The following MCPH1 variants were observed in gnomAD, a reference collection of about 807,000 sequenced individuals.
The protein encoded by MCPH1 is microcephalin 1.
Under a neutral mutation model 84.5 loss-of-function variants are expected in MCPH1, and 104 were observed. The observed-to-expected ratio is 1.23, with a 90% confidence interval of 1.05 to 1.45. The LOEUF is 1.45. Among genes scored for constraint, MCPH1 ranks in the 40% most tolerant of loss-of-function variants. The pLI, the probability that MCPH1 is intolerant of heterozygous loss-of-function variation, is 0.00. For synonymous variants in MCPH1, 514 were observed against 366.8 expected (o/e 1.40, Z -4.58); for missense variants, 1,498 against 1,005.7 (o/e 1.49, Z -6.62).
chr8:6,645,502 GAA>G lies in MCPH1; in HGVS notation c.*2454_*2455del, dbSNP rs1250642397. 6.8e-6 allele frequency: 1 copy of G among 147,208 alleles called. No individual in the cohort carries two copies. The highest frequency in any genetic ancestry group is 1.5e-5 in the Non-Finnish European group (1 of 67,598). 9.1% of individuals were successfully genotyped at this position (147,208 alleles called of 1,614,324 possible). Reference sequence around the variant, plus strand: ...CGTTGCATTAAAGTTTCTACCCAGAGAAGGCAATAAAAGGAAATTAAAGCTAT... The same window carrying G: ...CGTTGCATTAAAGTTTCTACCCAGAGGGCAATAAAAGGAAATTAAAGCTAT... On this transcript the variant is annotated 3_prime_UTR_variant, in exon 14 of 14. Transcript: ENST00000344683.
At chr8:6,618,763 T>G (rs528387844) in intron 12 of MCPH1, 1 of 152,110 alleles carries the variant, frequency 6.6e-6, no homozygotes, top group African/African-American at 2.4e-5. Flanking sequence ...AACAAAAAAG[T>G]CACTTAAAGA....
At chr8:6,507,429 T>C (rs1813967026) in intron 12 of MCPH1, 1 of 152,232 alleles carries the variant, frequency 6.6e-6, no homozygotes, top group Non-Finnish European at 1.5e-5. Context: ...TTTTTGTTGC[T>C]ACTTTAAATC....
intron 13 of MCPH1, chr8:6,635,030 G>A (rs545999284): frequency 2.0e-5 from 3 of 152,278 alleles, no homozygotes; most frequent in East Asian, 1.9e-4. Flanking sequence ...GTGACCTCTG[G>A]CCTACGACTG....
intron 12 of MCPH1, among the ~76,000 whole-genome samples, chr8:6,565,165 C>T (rs965142414): frequency 1.3e-5 from 2 of 152,292 alleles, no homozygotes; most frequent in Non-Finnish European, 2.9e-5. Flanking sequence ...CCTCAGTCTC[C>T]CTAGTCATAA....
intron 12 of MCPH1, among the ~76,000 whole-genome samples, chr8:6,611,754 G>A (rs1027256184): frequency 6.6e-6 from 1 of 152,178 alleles, no homozygotes; most frequent in Non-Finnish European, 1.5e-5. Flanking sequence ...CAGTAGCTGG[G>A]ACTACAGGCG....
intron 12 of MCPH1, chr8:6,519,926 A>C: frequency 6.2e-7 from 1 of 1,613,314 alleles, no homozygotes; most frequent in South Asian, 1.1e-5. Flanking sequence ...GTGTGTCCTG[A>C]TTTGAATACT....
intron 12 of MCPH1, among the ~76,000 whole-genome samples, chr8:6,517,223 T>G (rs1344552342): frequency 6.6e-6 from 1 of 152,176 alleles, no homozygotes; most frequent in East Asian, 1.9e-4. Flanking sequence ...CTAAGGGCAG[T>G]TAATATCTTT....
At chr8:6,435,022 T>C (rs1802439884) in intron 4 of MCPH1, among the ~76,000 whole-genome samples, 1 of 152,124 alleles carries the variant, frequency 6.6e-6, no homozygotes, top group African/African-American at 2.4e-5. Context: ...AAAGGAAACA[T>C]TTCCCCTGTC....
chr8:6,545,613 G>T (rs977681903), intron 12 of MCPH1, among the ~76,000 whole-genome samples: 1 of 152,180 alleles, frequency 6.6e-6, no homozygotes, highest in Non-Finnish European at 1.5e-5. Flanking sequence ...TCCAAAACAC[G>T]ATTCTTTCCG....
intron 12 of MCPH1, among the ~76,000 whole-genome samples, chr8:6,534,544 C>T (rs759783201): frequency 1.1e-4 from 16 of 152,066 alleles, no homozygotes; most frequent in Admixed American, 2.6e-4. Flanking sequence ...GCTGGGACTA[C>T]GAGCGTGAGC....
chr8:6,634,349 T>C (rs142284907), intron 13 of MCPH1, among the ~76,000 whole-genome samples: 6 of 152,316 alleles, frequency 3.9e-5, no homozygotes, highest in African/African-American at 1.4e-4. Context: ...TTTGCCAAGA[T>C]TATCGCTAAT....
chr8:6,519,661 C>T (rs1375006644), intron 12 of MCPH1, among the ~76,000 whole-genome samples: 2 of 152,164 alleles, frequency 1.3e-5, no homozygotes, highest in East Asian at 3.8e-4. Context: ...CATTCATATG[C>T]AGCTTTTGTA....
At chr8:6,511,167 G>A (rs150353586) in intron 12 of MCPH1, among the ~76,000 whole-genome samples, 3 of 152,140 alleles carry the variant, frequency 2.0e-5, no homozygotes, top group African/African-American at 7.2e-5. Context: ...ATGAGTCTCT[G>A]TTAGAAAGGT....
intron 9 of MCPH1, among the ~76,000 whole-genome samples, chr8:6,460,745 T>A (rs1806191079): frequency 1.3e-5 from 2 of 152,192 alleles, no homozygotes; most frequent in African/African-American, 4.8e-5. Flanking sequence ...GCTGGGGTTC[T>A]GTCTCTGTGA....
rs1232136793 is a variant in MCPH1 at position 6,643,065 on chromosome 8, C to G, written c.*16C>G. 1 of 1,609,308 alleles carries G rather than the reference C, an allele frequency of 6.2e-7. No homozygotes were observed. Among genetic ancestry groups the G allele is most frequent in the African/African-American group, 1.3e-5 (1 of 74,824 alleles). ...GTCACAATGACAGTGACCTCACTGGCCTGTGGTGACTGCACACAGCTCGCA... is the reference window on the plus strand; with the variant it reads ...GTCACAATGACAGTGACCTCACTGGGCTGTGGTGACTGCACACAGCTCGCA... On this transcript the variant is annotated 3_prime_UTR_variant, in exon 14 of 14. Coordinates refer to ENST00000344683, the MANE Select transcript of MCPH1 (RefSeq NM_024596.5).
At chr8:6,608,788 G>C (rs1829996875) in intron 12 of MCPH1, among the ~76,000 whole-genome samples, 1 of 152,168 alleles carries the variant, frequency 6.6e-6, no homozygotes, top group Non-Finnish European at 1.5e-5. Context: ...CCACGGGCAT[G>C]GTAAAATCTT....
intron 12 of MCPH1, among the ~76,000 whole-genome samples, chr8:6,592,623 GTTTTTTTT>G (rs573651366): frequency 6.4e-5 from 5 of 77,558 alleles, no homozygotes; most frequent in Non-Finnish European, 9.2e-5. Flanking sequence ...TCTTTTTTTT[GTTTTTTTT>G]TTTTTTTTTT....
intron 2 of MCPH1, among the ~76,000 whole-genome samples, chr8:6,410,172 C>T (rs894406560): frequency 1.3e-5 from 2 of 151,286 alleles, no homozygotes; most frequent in Admixed American, 6.6e-5. Flanking sequence ...GACGGGGTTT[C>T]ACCATGTTGG....
At chr8:6,455,062 A>G (rs1306878404) in intron 8 of MCPH1, 81 bp from the exon 9 acceptor site, 4 of 1,035,184 alleles carry the variant, frequency 3.9e-6, no homozygotes, top group East Asian at 4.7e-5. Flanking sequence ...TCCATTATGC[A>G]TAAATGTGAT....
Sources: allele counts gnomAD v4.1 joint callset (sites outside exome capture counted in the v4.1 genomes callset), GRCh38; gene constraint gnomAD v4.1.1; transcripts MANE v1.5; gene names NCBI Gene and HGNC (gene_info 2026-07-23, HGNC 2026-07-21).